Variants in SORCS1 observed in about 807,000 individuals in gnomAD.
SORCS1 encodes VPS10 domain-containing receptor SorCS1.
In SORCS1, 60 loss-of-function variants were observed where a neutral mutation model predicts 146.1. That is an observed-to-expected ratio of 0.41 (90% confidence interval 0.33 to 0.51). The LOEUF is 0.51. Ranked by LOEUF, SORCS1 falls within the 20% of genes least tolerant of loss-of-function variation. SORCS1 has a pLI of 0.21. For missense variants in SORCS1, 1,352 were observed against 1,487.6 expected (o/e 0.91, Z 1.50); for synonymous variants, 637 against 584.0 (o/e 1.09, Z -1.31).
intron 1 of SORCS1, among the ~76,000 whole-genome samples, chr10:107,125,863 G>A (rs566392445): frequency 3.3e-5 from 5 of 152,204 alleles, no homozygotes; most frequent in Middle Eastern, 3.4e-3. Context: ...AATTGACCAC[G>A]ATTGTATTAA....
At chr10:106,748,161 G>A (rs920432866) in intron 5 of SORCS1, among the ~76,000 whole-genome samples, 4 of 151,728 alleles carry the variant, frequency 2.6e-5, no homozygotes, top group Admixed American at 2.6e-4. Flanking sequence ...TTTTTGTTTT[G>A]TTTTGTTTGT....
At chr10:107,004,651 C>A (rs1957366390) in intron 1 of SORCS1, among the ~76,000 whole-genome samples, 1 of 152,056 alleles carries the variant, frequency 6.6e-6, no homozygotes, top group Admixed American at 6.6e-5. Context: ...GGGGACACAG[C>A]CAAACCATAT....
chr10:107,084,612 T>C (rs1353312863), intron 1 of SORCS1, among the ~76,000 whole-genome samples: 1 of 152,306 alleles, frequency 6.6e-6, no homozygotes, highest in Admixed American at 6.5e-5. Flanking sequence ...ATTTTATTTT[T>C]ATTTATTTAT....
intron 5 of SORCS1, among the ~76,000 whole-genome samples, chr10:106,759,025 C>A (rs1320373927): frequency 6.6e-6 from 1 of 152,204 alleles, no homozygotes; most frequent in Non-Finnish European, 1.5e-5. Flanking sequence ...CTTTTTCAGG[C>A]AGTTTTGCTA....
chr10:106,750,053 A>G (rs916980928), intron 5 of SORCS1, among the ~76,000 whole-genome samples: 1 of 152,182 alleles, frequency 6.6e-6, no homozygotes, highest in African/African-American at 2.4e-5. Flanking sequence ...GCATACAAAG[A>G]CGTGAAGCAA....
At position 106,780,071 on chromosome 10, in the gene SORCS1, T is replaced by A. The variant is rs536291956; in HGVS notation, c.727-3379A>T. On this transcript the variant is annotated intron_variant, in intron 3 of 25. Coordinates refer to ENST00000263054, the MANE Select transcript of SORCS1 (RefSeq NM_052918.5). ...TATAAATAAGCTAATAAGTAAAAAA[T>A]TTAATGCGATCTAAATAAAAAAGCC... Among the ~76,000 whole-genome samples the A allele has an allele frequency of 4.6e-5, 7 of 152,250 alleles. No homozygotes were observed. In the South Asian group the frequency reaches 1.2e-3, roughly 27 times the overall value.
intron 4 of SORCS1, among the ~76,000 whole-genome samples, chr10:106,769,484 C>CAAAAA (rs61628916): frequency 3.6e-5 from 3 of 84,342 alleles, no homozygotes; most frequent in Admixed American, 1.2e-4. Flanking sequence ...GACTCCGTCT[C>CAAAAA]AAAAAAAAAA....
At position 106,836,608 on chromosome 10, in the gene SORCS1, C is replaced by A. The variant is rs147742731; in HGVS notation, c.627-6935G>T. ...AGTTAAGGAGATGTATTCAGAAAAC[C>A]TAGTTGAGCATTTTTTGGTAAAAGA... On this transcript the variant is annotated intron_variant, in intron 2 of 25. Coordinates refer to ENST00000263054, the MANE Select transcript of SORCS1 (RefSeq NM_052918.5). Among the ~76,000 whole-genome samples the A allele has an allele frequency of 5.8e-3, 875 of 152,000 alleles. 9 individuals carry two copies. The highest frequency in any genetic ancestry group is 0.02 in the African/African-American group (812 of 41,454).
intron 1 of SORCS1, among the ~76,000 whole-genome samples, chr10:106,962,452 C>A (rs1955278923): frequency 6.7e-6 from 1 of 148,704 alleles, no homozygotes; most frequent in African/African-American, 2.5e-5. Context: ...GGGGACATAT[C>A]TCTTCACTCT....
At chr10:106,803,983 T>A (rs1181618849) in intron 3 of SORCS1, among the ~76,000 whole-genome samples, 1 of 152,144 alleles carries the variant, frequency 6.6e-6, no homozygotes. Context: ...CAGGTTAAAT[T>A]CCAGGAGACT....
rs114256490 is a variant in SORCS1, at chr10:106,802,889, C to T, written c.727-26197G>A. ...ACCTCAGATGATCCTCCCGCCTTGG[C>T]CTCCCAAAAGGGATTACAGGTGTGA... On this transcript the variant is annotated intron_variant, in intron 3 of 25. Coordinates refer to ENST00000263054, the MANE Select transcript of SORCS1 (RefSeq NM_052918.5). 2.8e-3 allele frequency among the ~76,000 whole-genome samples: 431 copies of T among 152,310 alleles called. 3 individuals are homozygous for T. The highest frequency in any genetic ancestry group is 0.01 in the African/African-American group (421 of 41,566).
intron 21 of SORCS1, among the ~76,000 whole-genome samples, chr10:106,612,282 G>A (rs1397935334): frequency 6.6e-6 from 1 of 151,920 alleles, no homozygotes; most frequent in Non-Finnish European, 1.5e-5. Context: ...TATAGAGACA[G>A]AGGGAGGGGG....
chr10:106,824,321 G>A (rs901965341), intron 3 of SORCS1, among the ~76,000 whole-genome samples: 4 of 150,218 alleles, frequency 2.7e-5, no homozygotes, highest in African/African-American at 4.9e-5. Context: ...GCTGGGTGTG[G>A]TGGCCCACAC....
At chr10:106,704,038 T>G (rs1199035895) in intron 8 of SORCS1, among the ~76,000 whole-genome samples, 1 of 152,142 alleles carries the variant, frequency 6.6e-6, no homozygotes, top group African/African-American at 2.4e-5. Flanking sequence ...ACTTTTTCCT[T>G]CCATATTGGC....
At chr10:106,864,357 C>T (rs181902914) in intron 2 of SORCS1, among the ~76,000 whole-genome samples, 5 of 152,230 alleles carry the variant, frequency 3.3e-5, no homozygotes, top group South Asian at 2.1e-4. Flanking sequence ...TGGGAACCCA[C>T]GCTTCTCCCG....
intron 10 of SORCS1, among the ~76,000 whole-genome samples, chr10:106,685,811 G>T (rs994304895): frequency 7.2e-5 from 11 of 152,138 alleles, no homozygotes; most frequent in African/African-American, 2.7e-4. Flanking sequence ...CCATTAGAAG[G>T]TTTAAGGAAA....
chr10:106,714,857 T>G (rs12243064), intron 6 of SORCS1, among the ~76,000 whole-genome samples: 5,703 of 152,234 alleles, frequency 0.037, 320 homozygotes, highest in African/African-American at 0.12. Context: ...TTCCCATGCC[T>G]CATATTGCTG....
At position 107,087,999 on chromosome 10, in the gene SORCS1, A is replaced by C. The variant is rs546752750; in HGVS notation, c.558+75970T>G. 2.6e-5 allele frequency among the ~76,000 whole-genome samples: 4 copies of C among 152,296 alleles called. No homozygotes were observed. The South Asian group carries it at 8.3e-4, about 32-fold the overall frequency. On this transcript the variant is annotated intron_variant, in intron 1 of 25. Transcript: ENST00000263054. ...AGTGGCGTGATCTCGGCTCACGGCA[A>C]GCTCCGCCTCCCGGGTTCACGCCAT...
chr10:106,670,146 AG>A (rs1376108335), intron 16 of SORCS1, among the ~76,000 whole-genome samples: 1 of 152,264 alleles, frequency 6.6e-6, no homozygotes, highest in Non-Finnish European at 1.5e-5. Flanking sequence ...AAAACCAAAA[AG>A]AAGAGGGAAG....
Sources: allele counts gnomAD v4.1 joint callset (sites outside exome capture counted in the v4.1 genomes callset), GRCh38; gene constraint gnomAD v4.1.1; transcripts MANE v1.5; gene names NCBI Gene and HGNC (gene_info 2026-07-23, HGNC 2026-07-21).